Variants in STOM observed in about 807,000 individuals in gnomAD.
STOM encodes stomatin, also known as erythrocyte band 7 integral membrane protein.
STOM carries 25 observed loss-of-function variants against 30.6 expected under a neutral mutation model. That is an observed-to-expected ratio of 0.82 (90% CI 0.60 to 1.14). The LOEUF is 1.14. STOM is among the 50% of genes most tolerant of loss of function. The pLI is 0.00. For synonymous variants in STOM, 118 were observed against 130.8 expected (o/e 0.90, Z 0.67); for missense variants, 292 against 365.2 (o/e 0.80, Z 1.63).
At chr9:121,369,488 G>T (rs2064540760) in intron 1 of STOM, among the ~76,000 whole-genome samples, 1 of 151,606 alleles carries the variant, frequency 6.6e-6, no homozygotes. Flanking sequence ...GGGGGTGAGG[G>T]TGGGAGAACT....
chr9:121,364,950 A>G (rs1369431797), intron 1 of STOM, among the ~76,000 whole-genome samples: 3 of 152,210 alleles, frequency 2.0e-5, no homozygotes, highest in African/African-American at 7.2e-5. Flanking sequence ...TGATCTTGAG[A>G]AAGTACCTTA....
chr9:121,341,061 C>A lies in STOM; in HGVS notation c.*141G>T. On this transcript the variant is annotated 3_prime_UTR_variant, in exon 7 of 7. Coordinates refer to ENST00000286713, the MANE Select transcript of STOM (RefSeq NM_004099.6). Reference sequence around the variant, plus strand: ...AGTATTTACAAGCTAACAATTCTTTCACCTATTTTTATAACTGCTATACAT... The same window carrying A: ...AGTATTTACAAGCTAACAATTCTTTAACCTATTTTTATAACTGCTATACAT... The A allele has an allele frequency of 6.8e-7, 1 of 1,468,016 alleles. No homozygotes were observed. The allele number at this position is 1,468,016 out of a possible 1,614,324, so 90.9% of individuals were successfully genotyped here.
At position 121,340,709 on chromosome 9, in the gene STOM, T is replaced by C; in HGVS notation, c.*493A>G. On this transcript the variant is annotated 3_prime_UTR_variant, in exon 7 of 7. Coordinates refer to ENST00000286713, the MANE Select transcript of STOM (RefSeq NM_004099.6). Reference sequence around the variant, plus strand: ...AGGTTGCAGTGAGCCGAGATCATGCTATTGCACTCCAGCCTGGGCAACAAG... The same window carrying C: ...AGGTTGCAGTGAGCCGAGATCATGCCATTGCACTCCAGCCTGGGCAACAAG... The C allele has an allele frequency of 1.0e-6, 1 of 973,074 alleles. No homozygotes were observed. The highest frequency in any genetic ancestry group is 1.2e-6 in the Non-Finnish European group (1 of 816,722). The allele number at this position is 973,074 out of a possible 1,614,324, so 60.3% of individuals were successfully genotyped here.
In STOM at chr9:121,340,731, C is replaced by T; in HGVS notation, c.*471G>A. On this transcript the variant is annotated 3_prime_UTR_variant, in exon 7 of 7. Transcript: ENST00000286713. ...TGCTATTGCACTCCAGCCTGGGCAA[C>T]AAGAGTGAAACTCCATCTCAGAAAA... The T allele has an allele frequency of 2.0e-6, 2 of 986,288 alleles. No homozygotes were observed. The highest frequency in any genetic ancestry group is 8.9e-5 in the South Asian group (2 of 22,406). The allele number at this position is 986,288 out of a possible 1,614,324, so 61.1% of individuals were successfully genotyped here. A position where few individuals can be genotyped will look rare whatever the true frequency, so the allele number is the denominator to read the frequency against.
At chr9:121,357,886 A>C (rs1425492509) in intron 1 of STOM, among the ~76,000 whole-genome samples, 1 of 151,264 alleles carries the variant, frequency 6.6e-6, no homozygotes, top group Non-Finnish European at 1.5e-5. Context: ...TTAAAAAGTC[A>C]AACCATTCTA....
intron 3 of STOM, 100 bp from the exon 4 acceptor site, chr9:121,353,402 C>A: frequency 4.6e-6 from 3 of 647,842 alleles, no homozygotes; most frequent in East Asian, 3.2e-5. Flanking sequence ...TGAAAAGTCA[C>A]CAGTTCATCT....
At chr9:121,348,851 T>C (rs2064312860) in intron 5 of STOM, among the ~76,000 whole-genome samples, 1 of 152,226 alleles carries the variant, frequency 6.6e-6, no homozygotes, top group African/African-American at 2.4e-5. Context: ...GAATAGCCTC[T>C]GTTCTAAACA....
At chr9:121,364,198 G>A (rs901709761) in intron 1 of STOM, among the ~76,000 whole-genome samples, 3 of 152,162 alleles carry the variant, frequency 2.0e-5, no homozygotes, top group Non-Finnish European at 2.9e-5. Context: ...CTCGATAAAC[G>A]TATGTTAAAA....
At position 121,361,947 on chromosome 9, in the gene STOM, C is replaced by A. The variant is rs2064457341; in HGVS notation, c.62-5791G>T. Among the ~76,000 whole-genome samples, 4 of 152,158 alleles carry A rather than the reference C, an allele frequency of 2.6e-5. 1 individual carries two copies. Reference sequence around the variant, plus strand: ...ACCTAGATCCCTCATATGTGCAGTTCACAATAGGGTTTGTGCTCTTATGAG... The same window carrying A: ...ACCTAGATCCCTCATATGTGCAGTTAACAATAGGGTTTGTGCTCTTATGAG... On this transcript the variant is annotated intron_variant, in intron 1 of 6. Coordinates refer to ENST00000286713, the MANE Select transcript of STOM (RefSeq NM_004099.6).
intron 1 of STOM, among the ~76,000 whole-genome samples, chr9:121,363,470 A>G (rs2064473460): frequency 6.6e-6 from 1 of 152,190 alleles, no homozygotes; most frequent in African/African-American, 2.4e-5. Context: ...AAGAACCAGG[A>G]ACTAAATATT....
intron 5 of STOM, among the ~76,000 whole-genome samples, chr9:121,348,910 T>A (rs1198326244): frequency 1.3e-5 from 2 of 151,940 alleles, no homozygotes; most frequent in Admixed American, 6.6e-5. Context: ...AAGAAAATTT[T>A]AAAAAAATGT....
intron 6 of STOM, among the ~76,000 whole-genome samples, chr9:121,346,187 A>G (rs1024514775): frequency 1.3e-5 from 2 of 152,060 alleles, no homozygotes; most frequent in African/African-American, 2.4e-5. Context: ...ACGGGGTTTC[A>G]CCATGGTGGC....
Position 121,340,730 on chromosome 9 carries a change from A to G in STOM, c.*472T>C. The G allele has an allele frequency of 1.0e-6, 1 of 995,112 alleles. No individual in the cohort carries two copies. The highest frequency in any genetic ancestry group is 1.2e-6 in the Non-Finnish European group (1 of 834,624). The allele number at this position is 995,112 out of a possible 1,614,324, so 61.6% of individuals were successfully genotyped here. ...ATGCTATTGCACTCCAGCCTGGGCA[A>G]CAAGAGTGAAACTCCATCTCAGAAA... On this transcript the variant is annotated 3_prime_UTR_variant, in exon 7 of 7. Coordinates refer to ENST00000286713, the MANE Select transcript of STOM (RefSeq NM_004099.6).
At position 121,356,125 on chromosome 9, in the gene STOM, T is replaced by A. The variant is rs1452839116; in HGVS notation, c.93A>T (p.Gly31=). ...AGAATGAGAACGCCACCAAAATCCATCCGCAAGGTCCAAGGCCCTTACTGG... is the reference window on the plus strand; with the variant it reads ...AGAATGAGAACGCCACCAAAATCCAACCGCAAGGTCCAAGGCCCTTACTGG... ...DSPSKGLGPC[G]WILVAFSFLF... is the part of the protein sequence containing the mutation. Residue 31 remains glycine, a synonymous_variant, in exon 2 of 7, where the codon GGA becomes GGT. Coordinates refer to ENST00000286713, the MANE Select transcript of STOM (RefSeq NM_004099.6). The A allele has an allele frequency of 3.1e-6, 5 of 1,614,014 alleles. No homozygotes were observed. The African/African-American group carries it at 6.7e-5, about 22-fold the overall frequency.
chr9:121,363,729 C>CTGTT (rs766516223), intron 1 of STOM, among the ~76,000 whole-genome samples: 2 of 152,194 alleles, frequency 1.3e-5, no homozygotes, highest in Admixed American at 1.3e-4. Context: ...GGACAATGGG[C>CTGTT]TGTTACACGC....
intron 6 of STOM, among the ~76,000 whole-genome samples, chr9:121,342,645 A>G (rs1457569843): frequency 4.6e-5 from 7 of 152,212 alleles, no homozygotes; most frequent in Non-Finnish European, 1.0e-4. Flanking sequence ...TTAATGGATA[A>G]CTAAATCATT....
Position 121,340,354 on chromosome 9 carries a change from G to A in STOM, c.*848C>T. 1.0e-6 allele frequency: 1 copy of A among 985,344 alleles called. No individual in the cohort carries two copies. The highest frequency in any genetic ancestry group is 1.2e-6 in the Non-Finnish European group (1 of 829,904). 61.0% of individuals were successfully genotyped at this position (985,344 alleles called of 1,614,324 possible). ...TTTCCTCTAGTTCTGACAAGTACAG[G>A]CAAGAAAATGGCTACTCTCAAGTAA... On this transcript the variant is annotated 3_prime_UTR_variant, in exon 7 of 7. Transcript: ENST00000286713.
At chr9:121,342,226 T>C (rs1161262487) in intron 6 of STOM, among the ~76,000 whole-genome samples, 1 of 152,046 alleles carries the variant, frequency 6.6e-6, no homozygotes, top group African/African-American at 2.4e-5. Flanking sequence ...AAAAATTAGC[T>C]GGGCGTTGTG....
chr9:121,365,280 C>G (rs1001058765), intron 1 of STOM, among the ~76,000 whole-genome samples: 5 of 152,054 alleles, frequency 3.3e-5, no homozygotes, highest in African/African-American at 1.2e-4. Flanking sequence ...AAAAATCAGA[C>G]CTTTTCCAAC....
Sources: gnomAD v4.1 joint callset for allele counts (sites outside exome capture counted in the v4.1 genomes callset) on GRCh38, gnomAD v4.1.1 for gene constraint, MANE v1.5 for transcripts, NCBI Gene and HGNC (gene_info 2026-07-23, HGNC 2026-07-21) for gene names.